Variants in TRAPPC9 observed in about 807,000 individuals in gnomAD.
TRAPPC9 encodes the protein trafficking protein particle complex subunit 9.
In TRAPPC9, 83 loss-of-function variants were observed where a neutral mutation model predicts 124.0. The observed-to-expected ratio is 0.67, with a 90% CI of 0.56 to 0.80. TRAPPC9 has a LOEUF of 0.80. TRAPPC9 is among the 30% of genes least tolerant of loss of function. The pLI is 0.00. For synonymous variants in TRAPPC9, 638 were observed against 617.5 expected (o/e 1.03, Z -0.49); for missense variants, 1,302 against 1,508.3 (o/e 0.86, Z 2.27).
intron 17 of TRAPPC9, among the ~76,000 whole-genome samples, chr8:140,199,162 G>A (rs778705047): frequency 8.5e-5 from 13 of 152,142 alleles, no homozygotes; most frequent in East Asian, 5.8e-4. Context: ...CTTCTTGCAC[G>A]TGAACATGCA....
intron 19 of TRAPPC9, among the ~76,000 whole-genome samples, chr8:139,947,907 T>TAGAGAGAGAG (rs59810983): frequency 9.1e-4 from 55 of 60,152 alleles, no homozygotes; most frequent in Admixed American, 9.9e-4. Flanking sequence ...TATATATATA[T>TAGAGAGAGAG]AGAGAGAGAG....
At chr8:139,946,425 G>A (rs1179243458) in intron 19 of TRAPPC9, among the ~76,000 whole-genome samples, 6 of 151,436 alleles carry the variant, frequency 4.0e-5, no homozygotes, top group African/African-American at 1.5e-4. Flanking sequence ...GCAGGCGCTT[G>A]AGAATCTACA....
intron 17 of TRAPPC9, among the ~76,000 whole-genome samples, chr8:140,139,064 C>T (rs1231744545): frequency 6.6e-6 from 1 of 152,190 alleles, no homozygotes; most frequent in Admixed American, 6.5e-5. Flanking sequence ...CAGAAGTCCA[C>T]ATCACACCCA....
At chr8:139,828,109 CACACACACATCCCAACTACAGCAAG>C (rs145008007) in intron 21 of TRAPPC9, among the ~76,000 whole-genome samples, 10,386 of 152,150 alleles carry the variant, frequency 0.068, 450 homozygotes, top group East Asian at 0.13. Flanking sequence ...AGGGGACACA[CACACACACATCCCAACTACAGCAAG>C]CTTCCCCGAT....
intron 21 of TRAPPC9, among the ~76,000 whole-genome samples, chr8:139,764,494 T>C (rs1291474369): frequency 6.6e-6 from 1 of 152,188 alleles, no homozygotes; most frequent in Non-Finnish European, 1.5e-5. Context: ...ATGCTTAAAA[T>C]GCAGGCACAA....
intron 17 of TRAPPC9, among the ~76,000 whole-genome samples, chr8:140,069,453 A>G (rs1843032862): frequency 6.6e-6 from 1 of 152,140 alleles, no homozygotes; most frequent in Non-Finnish European, 1.5e-5. Flanking sequence ...GAGGTCTGAA[A>G]AGGCCTCAGT....
intron 1 of TRAPPC9, among the ~76,000 whole-genome samples, chr8:140,453,520 A>G (rs2071543633): frequency 2.9e-5 from 1 of 34,766 alleles, no homozygotes; most frequent in Non-Finnish European, 6.9e-5. Context: ...TATCCTGGAC[A>G]TCACAACCCC....
intron 6 of TRAPPC9, among the ~76,000 whole-genome samples, chr8:140,404,838 G>C (rs573659444): frequency 3.9e-5 from 6 of 152,034 alleles, no homozygotes; most frequent in Non-Finnish European, 5.9e-5. Context: ...GTGAGCATGC[G>C]TGTGTACGTG....
At position 139,906,242 on chromosome 8, in the gene TRAPPC9, T is replaced by G. The variant is rs561752190; in HGVS notation, c.2964+3905A>C. The stretch of plus-strand genomic sequence containing the variant: ...CCTGGGCCACCTCCCCAACAACAGG[T>G]CACCCTGTCCACAGCAGGGACAGGC... On this transcript the variant is annotated intron_variant, in intron 20 of 22. Transcript: ENST00000438773. Among the ~76,000 whole-genome samples the G allele has an allele frequency of 2.0e-5, 3 of 152,192 alleles. No individual in the cohort carries two copies. In the East Asian group the frequency reaches 5.8e-4, roughly 29 times the overall value.
At chr8:139,947,977 G>C (rs572102561) in intron 19 of TRAPPC9, among the ~76,000 whole-genome samples, 1 of 147,974 alleles carries the variant, frequency 6.8e-6, no homozygotes, top group Non-Finnish European at 1.5e-5. Context: ...GACAGCACGG[G>C]ATTTTGAGTC....
At chr8:140,245,170 T>C (rs1487487065) in intron 16 of TRAPPC9, among the ~76,000 whole-genome samples, 1 of 152,168 alleles carries the variant, frequency 6.6e-6, no homozygotes, top group Non-Finnish European at 1.5e-5. Flanking sequence ...AAAATAAAGG[T>C]ATCACTTAAT....
intron 17 of TRAPPC9, among the ~76,000 whole-genome samples, chr8:140,194,566 C>T (rs1485770325): frequency 6.6e-6 from 1 of 152,128 alleles, no homozygotes; most frequent in African/African-American, 2.4e-5. Flanking sequence ...CCCACATGGA[C>T]ACAGAGGCCA....
At chr8:139,995,492 G>A (rs1293376583) in intron 18 of TRAPPC9, among the ~76,000 whole-genome samples, 1 of 152,134 alleles carries the variant, frequency 6.6e-6, no homozygotes, top group Non-Finnish European at 1.5e-5. Context: ...CCAAAACCAG[G>A]GGGCCAGTTT....
chr8:140,235,145 G>A (rs994286761), intron 16 of TRAPPC9, among the ~76,000 whole-genome samples: 2 of 151,992 alleles, frequency 1.3e-5, no homozygotes, highest in Non-Finnish European at 2.9e-5. Context: ...CTAGTTTTTT[G>A]TATTTTTAGT....
rs538955400 is a variant in TRAPPC9 at position 139,771,890 on chromosome 8, C to T, written c.3056-39688G>A. Among the ~76,000 whole-genome samples the T allele has an allele frequency of 7.9e-5, 12 of 152,268 alleles. No homozygotes were observed. The South Asian group carries it at 2.5e-3, about 32-fold the overall frequency. ...AGGAGCCTGACTCAGTGCCCACAGC[C>T]CTCCTGGCTTGCCGAGAGAGGGAAC... is the stretch of plus-strand genomic sequence containing the variant. On this transcript the variant is annotated intron_variant, in intron 21 of 22. Coordinates refer to ENST00000438773, the MANE Select transcript of TRAPPC9 (RefSeq NM_001160372.4).
intron 16 of TRAPPC9, among the ~76,000 whole-genome samples, chr8:140,231,848 C>A (rs545869397): frequency 1.8e-4 from 27 of 152,124 alleles, no homozygotes; most frequent in African/African-American, 6.5e-4. Context: ...TAAATCTTAC[C>A]TCAGTAATTA....
At chr8:140,118,333 G>A (rs1168401910) in intron 17 of TRAPPC9, among the ~76,000 whole-genome samples, 1 of 152,232 alleles carries the variant, frequency 6.6e-6, no homozygotes, top group East Asian at 1.9e-4. Context: ...TGCCATTACA[G>A]GTGATTAGCA....
At chr8:139,925,582 T>C (rs576006042) in intron 19 of TRAPPC9, among the ~76,000 whole-genome samples, 2 of 151,928 alleles carry the variant, frequency 1.3e-5, no homozygotes, top group East Asian at 3.9e-4. Context: ...ACCCCATCTC[T>C]ACTAACAATA....
chr8:140,443,998 T>C (rs1448925204), intron 2 of TRAPPC9, among the ~76,000 whole-genome samples: 1 of 125,476 alleles, frequency 8.0e-6, no homozygotes, highest in African/African-American at 3.1e-5. Context: ...ATCACGCCAC[T>C]GCACTCCAGC....
Sources: allele counts gnomAD v4.1 joint callset (sites outside exome capture counted in the v4.1 genomes callset), GRCh38; gene constraint gnomAD v4.1.1; transcripts MANE v1.5; gene names NCBI Gene and HGNC (gene_info 2026-07-23, HGNC 2026-07-21).